The following TENM2 variants were observed in gnomAD, a reference collection of about 807,000 sequenced individuals.
TENM2 encodes the protein teneurin transmembrane protein 2.
A neutral mutation model predicts 245.2 loss-of-function variants in TENM2; 52 were observed. The ratio of observed to expected loss-of-function variants is 0.21; its 90% CI spans 0.17 to 0.27. The LOEUF (loss-of-function observed/expected upper bound fraction) is 0.27, where lower values mean the gene tolerates loss of function less well. Ranked by LOEUF, TENM2 falls within the 10% of genes least tolerant of loss-of-function variation. The pLI is 1.00. For synonymous variants in TENM2, 1,363 were observed against 1,438.9 expected (o/e 0.95, Z 1.19); for missense variants, 3,046 against 3,666.8 (o/e 0.83, Z 4.37).
intron 3 of TENM2, among the ~76,000 whole-genome samples, chr5:167,914,367 T>G (rs765035962): frequency 2.6e-5 from 4 of 152,194 alleles, no homozygotes; most frequent in Non-Finnish European, 4.4e-5. Flanking sequence ...TCATGTCCCC[T>G]CCTCTGTTTT....
rs894307188 is a variant in TENM2 at position 167,295,195 on chromosome 5, C to G, written c.226+10132C>G. Among the ~76,000 whole-genome samples, 3 of 152,142 alleles carry G rather than the reference C, an allele frequency of 2.0e-5. No homozygotes were observed. The East Asian group carries it at 5.8e-4, about 29-fold the overall frequency. Reference sequence around the variant, plus strand: ...AAAAATGGAAAGCACAGCTCAGAAACAGACTCTACTTAGAAAATGTGGATG... The same window carrying G: ...AAAAATGGAAAGCACAGCTCAGAAAGAGACTCTACTTAGAAAATGTGGATG... On this transcript the variant is annotated intron_variant, in intron 1 of 28. Coordinates refer to ENST00000518659, the Ensembl canonical transcript of TENM2.
At chr5:167,112,495 T>C in the TENM2 span, among the ~76,000 whole-genome samples, 1 of 152,190 alleles carries the variant, frequency 6.6e-6, no homozygotes, top group Non-Finnish European at 1.5e-5. Flanking sequence ...GGGTAATAAA[T>C]TGTCTTGAGA....
chr5:167,974,001 AAGGGAGGG>A (rs745782174), intron 4 of TENM2, among the ~76,000 whole-genome samples: 1 of 95,522 alleles, frequency 1.0e-5, no homozygotes, highest in Non-Finnish European at 1.9e-5. Flanking sequence ...GGAAGGGAGA[AAGGGAGGG>A]AGGGAGGGAG....
the TENM2 span, among the ~76,000 whole-genome samples, chr5:167,188,754 G>T: frequency 1.3e-5 from 2 of 152,198 alleles, no homozygotes; most frequent in African/African-American, 4.8e-5. Context: ...TACTCACTGC[G>T]AACATTGTTT....
chr5:168,203,628 T>C (rs1467118206), intron 17 of TENM2, 61 bp from the exon 20 acceptor site: 13 of 1,493,934 alleles, frequency 8.7e-6, no homozygotes, highest in Non-Finnish European at 1.1e-5. Context: ...TACAGAGCTC[T>C]GGAGTAATCA....
intron 2 of TENM2, among the ~76,000 whole-genome samples, chr5:167,769,108 T>C: frequency 6.6e-6 from 1 of 152,360 alleles, no homozygotes; most frequent in Non-Finnish European, 1.5e-5. Flanking sequence ...CTCTCAGTTT[T>C]TATACTCTGT....
chr5:167,228,646 C>A, the TENM2 span, among the ~76,000 whole-genome samples: 1 of 150,946 alleles, frequency 6.6e-6, no homozygotes, highest in East Asian at 2.0e-4. Flanking sequence ...TAATTTTTTT[C>A]ATGTTTCCTG....
At chr5:167,241,641 A>G in the TENM2 span, among the ~76,000 whole-genome samples, 1 of 152,226 alleles carries the variant, frequency 6.6e-6, no homozygotes, top group Non-Finnish European at 1.5e-5. Context: ...ACATGGTTCA[A>G]TGTTGCCAAG....
intron 5 of TENM2, among the ~76,000 whole-genome samples, chr5:167,999,908 A>G (rs1026009832): frequency 2.0e-5 from 3 of 152,252 alleles, no homozygotes; most frequent in Non-Finnish European, 4.4e-5. Flanking sequence ...AAGAATGCCA[A>G]GGAAACAACA....
intron 2 of TENM2, among the ~76,000 whole-genome samples, chr5:167,684,351 C>T: frequency 6.6e-6 from 1 of 152,184 alleles, no homozygotes; most frequent in Middle Eastern, 3.2e-3. Context: ...TCTGGAGACT[C>T]TCAGTTCATT....
intron 2 of TENM2, among the ~76,000 whole-genome samples, chr5:167,804,689 C>T (rs1766021351): frequency 6.6e-6 from 1 of 152,094 alleles, no homozygotes; most frequent in African/African-American, 2.4e-5. Context: ...AGACCTGTCT[C>T]ACAGCTCAGC....
At position 168,221,032 on chromosome 5, in the gene TENM2, A is replaced by T. The variant is rs372969036; in HGVS notation, c.5108+2033A>T. Among the ~76,000 whole-genome samples the T allele has an allele frequency of 7.9e-5, 12 of 152,158 alleles. No individual in the cohort carries two copies. In the East Asian group the frequency reaches 1.7e-3, roughly 22 times the overall value. ...GAGGCAAAGGCATGAAAATCACTTGAACTCAGGAGGTGGAGGTTGCAGTGA... is the reference window on the plus strand; with the variant it reads ...GAGGCAAAGGCATGAAAATCACTTGTACTCAGGAGGTGGAGGTTGCAGTGA... On this transcript the variant is annotated intron_variant, in intron 23 of 28. Coordinates refer to ENST00000518659, the Ensembl canonical transcript of TENM2.
chr5:167,801,109 A>AAAATATATATATATAT (rs1444227809), intron 2 of TENM2, among the ~76,000 whole-genome samples: 1 of 66,556 alleles, frequency 1.5e-5, no homozygotes, highest in Admixed American at 2.2e-4. Context: ...AAAAAAAAAA[A>AAAATATATATATATAT]ATATATATAT....
chr5:168,222,554 C>G (rs951533149), intron 23 of TENM2, among the ~76,000 whole-genome samples: 4 of 152,198 alleles, frequency 2.6e-5, no homozygotes, highest in African/African-American at 9.6e-5. Flanking sequence ...AAAGTTGCCT[C>G]TCTCTCCTCT....
chr5:167,620,159 C>G (rs959624071), intron 2 of TENM2, among the ~76,000 whole-genome samples: 2 of 152,128 alleles, frequency 1.3e-5, no homozygotes, highest in Non-Finnish European at 2.9e-5. Flanking sequence ...CATCTGCAGT[C>G]TAATTCAGAC....
chr5:167,770,481 G>T lies in TENM2; in HGVS notation c.503-105505G>T, dbSNP rs568099813. ...CTTGACTTTTTATACCAACCTTAGTGCAATAATAGGTACTACTGATATTCG... is the reference window on the plus strand; with the variant it reads ...CTTGACTTTTTATACCAACCTTAGTTCAATAATAGGTACTACTGATATTCG... On this transcript the variant is annotated intron_variant, in intron 2 of 28. Coordinates refer to ENST00000518659, the Ensembl canonical transcript of TENM2. Among the ~76,000 whole-genome samples, 6 of 152,250 alleles carry T rather than the reference G, an allele frequency of 3.9e-5. No homozygotes were observed. In the East Asian group the frequency reaches 1.2e-3, roughly 29 times the overall value.
At chr5:167,456,316 G>A (rs1382549377) in intron 2 of TENM2, among the ~76,000 whole-genome samples, 2 of 152,162 alleles carry the variant, frequency 1.3e-5, no homozygotes, top group African/African-American at 4.8e-5. Context: ...TATTCCATAG[G>A]TAGTTAATGA....
intron 2 of TENM2, among the ~76,000 whole-genome samples, chr5:167,768,291 G>A (rs1003911248): frequency 1.3e-5 from 2 of 152,080 alleles, no homozygotes; most frequent in African/African-American, 4.8e-5. Flanking sequence ...ATAGAAACAA[G>A]CAATGGGAAA....
the TENM2 span, among the ~76,000 whole-genome samples, chr5:167,109,853 T>C: frequency 2.6e-5 from 4 of 152,218 alleles, no homozygotes; most frequent in African/African-American, 9.7e-5. Flanking sequence ...GTGTGGTCCT[T>C]AGGGCCTTGG....
Sources: gnomAD v4.1 joint callset for allele counts (sites outside exome capture counted in the v4.1 genomes callset) on GRCh38, gnomAD v4.1.1 for gene constraint, MANE v1.5 for transcripts, NCBI Gene and HGNC (gene_info 2026-07-23, HGNC 2026-07-21) for gene names.